FBXO15: variants seen among roughly 807,000 people sequenced by gnomAD.
FBXO15 encodes the protein F-box only protein 15.
FBXO15 carries 30 observed loss-of-function variants against 49.5 expected under a neutral mutation model. The ratio of observed to expected loss-of-function variants is 0.61; its 90% CI spans 0.45 to 0.82. FBXO15 has a LOEUF of 0.82. Ranked by LOEUF, FBXO15 falls within the 40% of genes least tolerant of loss-of-function variation. FBXO15 has a pLI of 0.00. For missense variants in FBXO15, 591 were observed against 631.5 expected, an observed-to-expected ratio of 0.94 and a Z score of 0.69; for synonymous variants, 250 against 232.7, an observed-to-expected ratio of 1.07 and a Z score of -0.68.
chr18:74,113,153 G>A (rs1259430944), intron 8 of FBXO15, among the ~76,000 whole-genome samples: 2 of 152,198 alleles, frequency 1.3e-5, no homozygotes, highest in African/African-American at 2.4e-5. Context: ...AAAAGACATG[G>A]AGAAAACATA....
chr18:74,124,615 T>G lies in FBXO15; in HGVS notation c.913-44A>C, dbSNP rs113353289. 1.6e-3 allele frequency: 2,402 copies of G among 1,528,054 alleles called. 2 individuals are homozygous for G. The highest frequency in any genetic ancestry group is 2.0e-3 in the Non-Finnish European group (2,175 of 1,102,590). 94.7% of individuals were successfully genotyped at this position (1,528,054 alleles called of 1,614,324 possible). A position where few individuals can be genotyped will look rare whatever the true frequency, so the allele number is the denominator to read the frequency against. On this transcript the variant is annotated intron_variant, in intron 6 of 9. Coordinates refer to ENST00000419743, the MANE Select transcript of FBXO15 (RefSeq NM_001142958.2). ...AGAATACATATTTCAACCAAAATGC[T>G]TACATTTTTCACAAGATCATTGTGA...
chr18:74,138,143 C>G (rs1978836934), intron 2 of FBXO15, among the ~76,000 whole-genome samples: 1 of 152,152 alleles, frequency 6.6e-6, no homozygotes. Context: ...CCCCATCTCT[C>G]TGGAGCCGCC....
chr18:74,147,815 C>T lies in FBXO15; in HGVS notation c.-30G>A. 1 of 1,489,810 alleles carries T rather than the reference C, an allele frequency of 6.7e-7. No homozygotes were observed. The highest frequency in any genetic ancestry group is 8.9e-7 in the Non-Finnish European group (1 of 1,120,022). 92.3% of individuals were successfully genotyped at this position (1,489,810 alleles called of 1,614,324 possible). On this transcript the variant is annotated 5_prime_UTR_variant, in exon 1 of 10. Coordinates refer to ENST00000419743, the MANE Select transcript of FBXO15 (RefSeq NM_001142958.2). ...ACAAGGAGTTCACCACAGGACCGCG[C>T]CAGGGCTGAAACGAAGAGTGCACGC...
chr18:74,101,038 C>CCT (rs1203025939), intron 8 of FBXO15, among the ~76,000 whole-genome samples: 2 of 152,064 alleles, frequency 1.3e-5, no homozygotes, highest in African/African-American at 4.8e-5. Context: ...AAGAAAGAAT[C>CCT]CTCCCCAGAT....
At chr18:74,085,101 T>C (rs1283215013) in intron 8 of FBXO15, among the ~76,000 whole-genome samples, 1 of 152,122 alleles carries the variant, frequency 6.6e-6, no homozygotes, top group East Asian at 1.9e-4. Flanking sequence ...ATCACAAGCA[T>C]AATCCCAATA....
Position 74,129,395 on chromosome 18 carries a change from T to C in FBXO15, c.785+10A>G, listed in dbSNP as rs1978310816. 6.2e-7 allele frequency: 1 copy of C among 1,611,534 alleles called. No homozygotes were observed. The highest frequency in any genetic ancestry group is 1.1e-5 in the South Asian group (1 of 90,880). ...GCTCTCACTCAACAGTTCTGCTGAT[T>C]GGTACTTACCTATGTTTGGTGGGAG... On this transcript the variant is annotated intron_variant, in intron 5 of 9. Transcript: ENST00000419743.
At chr18:74,114,083 T>A (rs1216539476) in intron 8 of FBXO15, among the ~76,000 whole-genome samples, 1 of 152,210 alleles carries the variant, frequency 6.6e-6, no homozygotes, top group African/African-American at 2.4e-5. Context: ...GGGTGGTCCC[T>A]GTACCTAAAC....
At chr18:74,117,681 C>T (rs567638271) in intron 8 of FBXO15, among the ~76,000 whole-genome samples, 1 of 152,272 alleles carries the variant, frequency 6.6e-6, no homozygotes, top group African/African-American at 2.4e-5. Context: ...AAAGTACCCA[C>T]AGCTCAGGCG....
intron 8 of FBXO15, among the ~76,000 whole-genome samples, chr18:74,087,804 T>C (rs745933587): frequency 1.3e-5 from 2 of 152,218 alleles, no homozygotes; most frequent in Non-Finnish European, 2.9e-5. Flanking sequence ...CTTTCCACAA[T>C]GGCTGAACTA....
intron 8 of FBXO15, among the ~76,000 whole-genome samples, chr18:74,094,313 G>A (rs1913184580): frequency 6.6e-6 from 1 of 152,076 alleles, no homozygotes; most frequent in Admixed American, 6.5e-5. Flanking sequence ...GTGAATTCTT[G>A]CAAAATCTGG....
At chr18:74,101,468 C>T (rs1019435234) in intron 8 of FBXO15, among the ~76,000 whole-genome samples, 1 of 151,998 alleles carries the variant, frequency 6.6e-6, no homozygotes, top group Non-Finnish European at 1.5e-5. Flanking sequence ...TCACAGATGA[C>T]ACAAACAAAT....
At chr18:74,141,406 T>C (rs772816692) in intron 1 of FBXO15, among the ~76,000 whole-genome samples, 1 of 152,218 alleles carries the variant, frequency 6.6e-6, no homozygotes, top group African/African-American at 2.4e-5. Flanking sequence ...TCCTTCCTGA[T>C]GTGCTATTTA....
At position 74,120,399 on chromosome 18, in the gene FBXO15, C is replaced by A. The variant is rs189030493; in HGVS notation, c.1138+2969G>T. Among the ~76,000 whole-genome samples the A allele has an allele frequency of 3.1e-3, 468 of 152,240 alleles. 2 individuals are homozygous for A. Among genetic ancestry groups the A allele is most frequent in the African/African-American group, 0.011 (450 of 41,530 alleles). On this transcript the variant is annotated intron_variant, in intron 8 of 9. Transcript: ENST00000419743. ...TTCTCAAGTACACATGGAACATATACCAAAATAGATCATATTCTGGAACAT... is the reference window on the plus strand; with the variant it reads ...TTCTCAAGTACACATGGAACATATAACAAAATAGATCATATTCTGGAACAT...
intron 8 of FBXO15, among the ~76,000 whole-genome samples, chr18:74,094,310 C>T (rs1371973769): frequency 6.6e-6 from 1 of 152,086 alleles, no homozygotes; most frequent in African/African-American, 2.4e-5. Flanking sequence ...TGAGTGAATT[C>T]TTGCAAAATC....
At chr18:74,076,842 C>T (rs1202140386) in intron 9 of FBXO15, among the ~76,000 whole-genome samples, 1 of 152,188 alleles carries the variant, frequency 6.6e-6, no homozygotes, top group African/African-American at 2.4e-5. Flanking sequence ...TGTGCTCCAG[C>T]CACACTGACC....
At chr18:74,076,734 C>T (rs1273067436) in intron 9 of FBXO15, among the ~76,000 whole-genome samples, 1 of 152,114 alleles carries the variant, frequency 6.6e-6, no homozygotes, top group Non-Finnish European at 1.5e-5. Flanking sequence ...GACAACTTTC[C>T]ACGGCTCTCA....
intron 8 of FBXO15, among the ~76,000 whole-genome samples, chr18:74,118,556 T>C (rs1248679907): frequency 2.0e-5 from 3 of 151,808 alleles, no homozygotes; most frequent in Non-Finnish European, 2.9e-5. Context: ...ATGAATAAAT[T>C]CTGTATAAAG....
intron 6 of FBXO15, among the ~76,000 whole-genome samples, 173 bp downstream of exon 6, chr18:74,125,802 T>G (rs559446883): frequency 6.6e-6 from 1 of 152,274 alleles, no homozygotes; most frequent in African/African-American, 2.4e-5. Context: ...GCAGCCTCGG[T>G]GGAACAGAGA....
chr18:74,147,460 G>C (rs770093262), intron 1 of FBXO15: 3 of 1,201,778 alleles, frequency 2.5e-6, no homozygotes, highest in African/African-American at 3.1e-5. Context: ...ATTTCCCCGA[G>C]AGGCTACTCT....
Sources: gnomAD v4.1 joint callset for allele counts (sites outside exome capture counted in the v4.1 genomes callset) on GRCh38, gnomAD v4.1.1 for gene constraint, MANE v1.5 for transcripts, NCBI Gene and HGNC (gene_info 2026-07-23, HGNC 2026-07-21) for gene names.